Variants in CLYBL observed in about 807,000 individuals in gnomAD.
CLYBL encodes citramalyl-CoA lyase, mitochondrial.
In CLYBL, 31 loss-of-function variants were observed where a neutral mutation model predicts 38.9. That is an observed-to-expected ratio of 0.80 (90% CI 0.60 to 1.08). The LOEUF (loss-of-function observed/expected upper bound fraction) is 1.08, where lower values mean the gene tolerates loss of function less well. Ranked by LOEUF, CLYBL falls within the 50% of genes least tolerant of loss-of-function variation. The pLI, the probability that CLYBL is intolerant of heterozygous loss-of-function variation, is 0.00. For missense variants in CLYBL, 434 were observed against 411.6 expected (o/e 1.05, Z -0.47); for synonymous variants, 171 against 158.6 (o/e 1.08, Z -0.59).
intron 7 of CLYBL, among the ~76,000 whole-genome samples, chr13:99,876,473 TG>T (rs1251731358): frequency 6.7e-6 from 1 of 148,764 alleles, no homozygotes; most frequent in African/African-American, 2.5e-5. Context: ...AATCGGACAA[TG>T]TTTTAAATTG....
chr13:99,862,851 T>TA lies in CLYBL; in HGVS notation c.439-133dup, dbSNP rs1369391064. 17 of 433,962 alleles carry TA rather than the reference T, an allele frequency of 3.9e-5. No individual in the cohort carries two copies. The Middle Eastern group carries it at 2.2e-3, about 57-fold the overall frequency. 26.9% of individuals were successfully genotyped at this position (433,962 alleles called of 1,614,324 possible). A position where few individuals can be genotyped will look rare whatever the true frequency, so the allele number is the denominator to read the frequency against. On this transcript the variant is annotated intron_variant, in intron 3 of 8. Coordinates refer to ENST00000339105, the MANE Select transcript of CLYBL (RefSeq NM_206808.5). Reference sequence around the variant, plus strand: ...TCTTTGGACTTTCTTCTTATTTTTTTAAAAAAATTCTTTTGTGTGGACGAA... The same window carrying TA: ...TCTTTGGACTTTCTTCTTATTTTTTTAAAAAAAATTCTTTTGTGTGGACGAA...
At chr13:99,683,426 CAGTA>C (rs1290071141) in intron 1 of CLYBL, among the ~76,000 whole-genome samples, 11 of 152,128 alleles carry the variant, frequency 7.2e-5, no homozygotes, top group Non-Finnish European at 1.0e-4. Flanking sequence ...TTTATAGTAA[CAGTA>C]AGTTTAAAAC....
intron 2 of CLYBL, among the ~76,000 whole-genome samples, chr13:99,828,592 T>C (rs1466472380): frequency 6.6e-6 from 1 of 152,210 alleles, no homozygotes; most frequent in Non-Finnish European, 1.5e-5. Flanking sequence ...TCAGATGTTC[T>C]CAGTGGGGAG....
intron 2 of CLYBL, among the ~76,000 whole-genome samples, chr13:99,810,461 C>T (rs1180857208): frequency 6.6e-6 from 1 of 151,922 alleles, no homozygotes; most frequent in African/African-American, 2.4e-5. Flanking sequence ...GGGGGAGGCA[C>T]ATGCCAAAGC....
chr13:99,811,766 C>A (rs909777783), intron 2 of CLYBL, among the ~76,000 whole-genome samples: 4 of 152,146 alleles, frequency 2.6e-5, no homozygotes, highest in Non-Finnish European at 5.9e-5. Context: ...ACAAACAGGG[C>A]ACTCAGCTTC....
chr13:99,645,961 C>T (rs2047170449), intron 1 of CLYBL, among the ~76,000 whole-genome samples: 1 of 152,144 alleles, frequency 6.6e-6, no homozygotes, highest in Non-Finnish European at 1.5e-5. Flanking sequence ...CCAGCAATGT[C>T]AGGGTATCTT....
intron 1 of CLYBL, among the ~76,000 whole-genome samples, chr13:99,663,719 G>A (rs578172218): frequency 1.3e-5 from 2 of 152,276 alleles, no homozygotes; most frequent in Admixed American, 6.5e-5. Context: ...ACCTTTGTGC[G>A]GAAGCCAGCT....
At chr13:99,716,181 T>G (rs2048310319) in intron 1 of CLYBL, among the ~76,000 whole-genome samples, 3 of 89,046 alleles carry the variant, frequency 3.4e-5, no homozygotes, top group African/African-American at 1.3e-4. Flanking sequence ...TTTTTTTTTT[T>G]TTTTTTTTTT....
chr13:99,702,910 A>C (rs575184027), intron 1 of CLYBL, among the ~76,000 whole-genome samples: 43 of 152,362 alleles, frequency 2.8e-4, no homozygotes, highest in African/African-American at 1.0e-3. Flanking sequence ...GAGGTGAAGG[A>C]GAGACAAAGG....
At chr13:99,704,084 A>G (rs1393338975) in intron 1 of CLYBL, among the ~76,000 whole-genome samples, 1 of 152,220 alleles carries the variant, frequency 6.6e-6, no homozygotes, top group Non-Finnish European at 1.5e-5. Context: ...GTAAAGACTC[A>G]AGCCATTAAC....
Position 99,880,069 on chromosome 13 carries a change from T to TATATA in CLYBL, c.927+9007_927+9008insATATA, listed in dbSNP as rs376889710. Among the ~76,000 whole-genome samples the TATATA allele has an allele frequency of 3.3e-3, 191 of 57,630 alleles. 1 individual carries two copies. Among genetic ancestry groups the TATATA allele is most frequent in the South Asian group, 5.4e-3 (11 of 2,044 alleles). 37.8% of individuals were successfully genotyped at this position (57,630 alleles called of 152,430 possible). A position where few individuals can be genotyped will look rare whatever the true frequency, so the allele number is the denominator to read the frequency against. On this transcript the variant is annotated intron_variant, in intron 7 of 8. Transcript: ENST00000339105. ...GTGTATGTATATATATATATATATA[T>TATATA]TTTTTTTTTTTTTTTTGAGACAGAG... is the stretch of plus-strand genomic sequence containing the variant.
At position 99,619,245 on chromosome 13, in the gene CLYBL, G is replaced by T. The variant is rs540883527; in HGVS notation, c.62+12488G>T. Among the ~76,000 whole-genome samples, 9 of 152,244 alleles carry T rather than the reference G, an allele frequency of 5.9e-5. No individual in the cohort carries two copies. The South Asian group carries it at 1.5e-3, about 25-fold the overall frequency. ...AATGGGTTAGTATCATTGGAAAGAG[G>T]CTTCAGAGAGAGTTTTCCAGTCTTG... is the stretch of plus-strand genomic sequence containing the variant. On this transcript the variant is annotated intron_variant, in intron 1 of 8. Coordinates refer to ENST00000339105, the MANE Select transcript of CLYBL (RefSeq NM_206808.5).
intron 1 of CLYBL, among the ~76,000 whole-genome samples, chr13:99,657,894 A>G (rs557224584): frequency 1.3e-5 from 2 of 152,218 alleles, no homozygotes; most frequent in African/African-American, 4.8e-5. Flanking sequence ...TTTTCCCAGG[A>G]ACAGAAGCCA....
intron 1 of CLYBL, among the ~76,000 whole-genome samples, chr13:99,618,415 C>A (rs2046746538): frequency 6.6e-6 from 1 of 151,862 alleles, no homozygotes; most frequent in African/African-American, 2.4e-5. Flanking sequence ...ATTACAGGTG[C>A]CCGCCACCAC....
intron 7 of CLYBL, among the ~76,000 whole-genome samples, chr13:99,886,245 G>C (rs1205524940): frequency 6.6e-6 from 1 of 152,146 alleles, no homozygotes; most frequent in Non-Finnish European, 1.5e-5. Context: ...AGATCAATTT[G>C]TGGTTTCTAG....
intron 7 of CLYBL, among the ~76,000 whole-genome samples, chr13:99,874,984 G>T (rs1405310622): frequency 2.0e-5 from 3 of 152,152 alleles, no homozygotes; most frequent in African/African-American, 7.2e-5. Flanking sequence ...TACAAATATG[G>T]CTTTGCTTCA....
chr13:99,665,065 A>C (rs1413157151), intron 1 of CLYBL, among the ~76,000 whole-genome samples: 1 of 151,660 alleles, frequency 6.6e-6, no homozygotes, highest in Non-Finnish European at 1.5e-5. Flanking sequence ...TAAAAATCCC[A>C]AAATGGCCAA....
At chr13:99,614,414 C>A (rs956327845) in intron 1 of CLYBL, among the ~76,000 whole-genome samples, 5 of 152,110 alleles carry the variant, frequency 3.3e-5, no homozygotes, top group African/African-American at 1.2e-4. Flanking sequence ...CCAGGAGTAG[C>A]CTAGGGGTAG....
rs765753522 is a variant in CLYBL, at chr13:99,863,093, G to GT, written c.540+2dup. ...TGCAATGGGTTTGCTCAATTTTAAG[G>GT]TAAGGAAGCCATAATACGGTTAATA... is the stretch of plus-strand genomic sequence containing the variant. On this transcript the variant is annotated splice_donor_variant, in intron 4 of 8. Transcript: ENST00000339105. LOFTEE classifies it high-confidence loss of function. 5 of 1,546,354 alleles carry GT rather than the reference G, an allele frequency of 3.2e-6. No individual in the cohort carries two copies. The African/African-American group carries it at 6.8e-5, about 21-fold the overall frequency.
Sources: gnomAD v4.1 joint callset for allele counts (sites outside exome capture counted in the v4.1 genomes callset) on GRCh38, gnomAD v4.1.1 for gene constraint, MANE v1.5 for transcripts, NCBI Gene and HGNC (gene_info 2026-07-23, HGNC 2026-07-21) for gene names.